Variants in HMGCLL1 observed in about 807,000 individuals in gnomAD.
HMGCLL1 encodes 3-hydroxy-3-methylglutaryl-CoA lyase like 1.
HMGCLL1 carries 36 observed loss-of-function variants against 39.1 expected under a neutral mutation model. The observed-to-expected ratio is 0.92, with a 90% CI of 0.71 to 1.22. HMGCLL1 has a LOEUF of 1.22. Among genes scored for constraint, HMGCLL1 ranks in the 50% most tolerant of loss-of-function variants. The pLI is 0.00. For missense variants in HMGCLL1, 451 were observed against 416.5 expected (o/e 1.08, Z -0.72); for synonymous variants, 149 against 144.0 (o/e 1.03, Z -0.25).
chr6:55,524,174 GA>G (rs1768187793), intron 3 of HMGCLL1, among the ~76,000 whole-genome samples: 1 of 151,698 alleles, frequency 6.6e-6, no homozygotes, highest in Non-Finnish European at 1.5e-5. Context: ...CAGTGCTAGA[GA>G]AAAGACTGAA....
the HMGCLL1 span, among the ~76,000 whole-genome samples, chr6:55,615,918 T>A: frequency 6.6e-6 from 1 of 152,104 alleles, no homozygotes; most frequent in African/African-American, 2.4e-5. Flanking sequence ...AAAGTTGGCA[T>A]AATGACTGAA....
the HMGCLL1 span, among the ~76,000 whole-genome samples, chr6:55,678,263 C>G: frequency 6.6e-6 from 1 of 152,126 alleles, no homozygotes; most frequent in Non-Finnish European, 1.5e-5. Context: ...CCTTTCTCCT[C>G]CAAATCCTTT....
the HMGCLL1 span, among the ~76,000 whole-genome samples, chr6:55,623,241 T>C: frequency 3.3e-5 from 5 of 152,036 alleles, no homozygotes; most frequent in Admixed American, 6.6e-5. Context: ...CACTTCAATT[T>C]CATTTATTTC....
At chr6:55,464,552 A>G (rs1581810523) in intron 7 of HMGCLL1, among the ~76,000 whole-genome samples, 1 of 152,022 alleles carries the variant, frequency 6.6e-6, no homozygotes, top group Admixed American at 6.6e-5. Flanking sequence ...AATTTGATTC[A>G]GTTTCATTCA....
the HMGCLL1 span, among the ~76,000 whole-genome samples, chr6:55,588,643 A>G: frequency 6.6e-6 from 1 of 152,242 alleles, no homozygotes; most frequent in African/African-American, 2.4e-5. Context: ...GATCAACAAA[A>G]TTGATAGACC....
At chr6:55,497,916 A>G (rs1766662682) in intron 6 of HMGCLL1, among the ~76,000 whole-genome samples, 1 of 152,180 alleles carries the variant, frequency 6.6e-6, no homozygotes, top group African/African-American at 2.4e-5. Context: ...GAGGGAGACA[A>G]TGAGGGGAAG....
intron 7 of HMGCLL1, among the ~76,000 whole-genome samples, chr6:55,447,045 C>A (rs1331136486): frequency 1.3e-5 from 2 of 151,708 alleles, no homozygotes; most frequent in Non-Finnish European, 2.9e-5. Flanking sequence ...TGCTTATTTT[C>A]CAATATTTTT....
chr6:55,637,002 C>T, the HMGCLL1 span, among the ~76,000 whole-genome samples: 1 of 152,076 alleles, frequency 6.6e-6, no homozygotes, highest in African/African-American at 2.4e-5. Flanking sequence ...CCACACAATA[C>T]ATTTGAAGAT....
chr6:55,456,280 A>G (rs1764317674), intron 7 of HMGCLL1, among the ~76,000 whole-genome samples: 1 of 152,248 alleles, frequency 6.6e-6, no homozygotes, highest in Non-Finnish European at 1.5e-5. Flanking sequence ...TGTAAACTGT[A>G]ACATATTTTA....
chr6:55,518,969 CA>C, intron 3 of HMGCLL1, among the ~76,000 whole-genome samples: 1 of 152,120 alleles, frequency 6.6e-6, no homozygotes, highest in African/African-American at 2.4e-5. Context: ...ACTGAAAAAC[CA>C]ATAGGGTTGG....
At chr6:55,507,790 T>C (rs73746350) in intron 5 of HMGCLL1, among the ~76,000 whole-genome samples, 6,827 of 151,834 alleles carry the variant, frequency 0.045, 271 homozygotes, top group African/African-American at 0.11. Context: ...AGCTCCCACA[T>C]TATATTTTAT....
At chr6:55,673,490 A>C in the HMGCLL1 span, among the ~76,000 whole-genome samples, 1 of 152,200 alleles carries the variant, frequency 6.6e-6, no homozygotes, top group African/African-American at 2.4e-5. Flanking sequence ...ATGTAAAAAC[A>C]AGTTGGGAAT....
rs1472120867 is a variant in HMGCLL1, at chr6:55,567,524, C to G, written c.108+11424G>C. On this transcript the variant is annotated intron_variant, in intron 1 of 8. Coordinates refer to ENST00000274901, the MANE Select transcript of HMGCLL1 (RefSeq NM_001042406.2). The stretch of plus-strand genomic sequence containing the variant: ...AATCCCACCTGACCCTCACATCCAC[C>G]TTCACCACAAAGATTACTATTGTTA... 2.0e-5 allele frequency among the ~76,000 whole-genome samples: 3 copies of G among 152,112 alleles called. No homozygotes were observed. The East Asian group carries it at 5.8e-4, about 29-fold the overall frequency.
chr6:55,588,896 A>T, the HMGCLL1 span, among the ~76,000 whole-genome samples: 1 of 152,212 alleles, frequency 6.6e-6, no homozygotes, highest in Non-Finnish European at 1.5e-5. Context: ...ACAGGCTCTC[A>T]AATTGAGACA....
intron 7 of HMGCLL1, among the ~76,000 whole-genome samples, chr6:55,477,253 T>G (rs1765401523): frequency 3.9e-5 from 1 of 25,804 alleles, no homozygotes; most frequent in Non-Finnish European, 5.7e-5. Context: ...ATATAATATA[T>G]AATATATATT....
chr6:55,677,254 A>G, the HMGCLL1 span, among the ~76,000 whole-genome samples: 6 of 152,130 alleles, frequency 3.9e-5, no homozygotes, highest in Non-Finnish European at 8.8e-5. Context: ...GCCAGGCATG[A>G]CGCTGCACAC....
intron 3 of HMGCLL1, among the ~76,000 whole-genome samples, chr6:55,535,993 G>C (rs1239614394): frequency 6.6e-6 from 1 of 152,148 alleles, no homozygotes; most frequent in Non-Finnish European, 1.5e-5. Context: ...CTTGGTAGCA[G>C]AAGGTATAGC....
At chr6:55,571,874 A>G (rs1048033236) in intron 1 of HMGCLL1, among the ~76,000 whole-genome samples, 1 of 152,178 alleles carries the variant, frequency 6.6e-6, no homozygotes, top group African/African-American at 2.4e-5. Context: ...AATTAAAGCT[A>G]GAGAGTAATC....
At chr6:55,567,637 T>C (rs749867721) in intron 1 of HMGCLL1, among the ~76,000 whole-genome samples, 1 of 152,116 alleles carries the variant, frequency 6.6e-6, no homozygotes, top group Non-Finnish European at 1.5e-5. Flanking sequence ...GGAAAAGAAA[T>C]TAACATGATC....
Sources: allele counts gnomAD v4.1 joint callset (sites outside exome capture counted in the v4.1 genomes callset), GRCh38; gene constraint gnomAD v4.1.1; transcripts MANE v1.5; gene names NCBI Gene and HGNC (gene_info 2026-07-23, HGNC 2026-07-21).